The following PIK3C2G variants were observed in gnomAD, a reference collection of about 807,000 sequenced individuals.
PIK3C2G encodes the protein phosphatidylinositol-4-phosphate 3-kinase catalytic subunit type 2 gamma, also known as phosphatidylinositol 3-kinase C2 domain-containing subunit gamma.
PIK3C2G carries 168 observed loss-of-function variants against 181.1 expected under a neutral mutation model. That is an observed-to-expected ratio of 0.93 (90% CI 0.82 to 1.05). The LOEUF (loss-of-function observed/expected upper bound fraction) is 1.05, where lower values mean the gene tolerates loss of function less well. Among genes scored for constraint, PIK3C2G ranks in the 50% least tolerant of loss-of-function variants. PIK3C2G has a pLI of 0.00. For missense variants in PIK3C2G, 1,869 were observed against 1,732.8 expected, an observed-to-expected ratio of 1.08 and a Z score of -1.40; for synonymous variants, 573 against 592.2, an observed-to-expected ratio of 0.97 and a Z score of 0.47.
chr12:18,335,298 C>T (rs542202542), intron 8 of PIK3C2G, among the ~76,000 whole-genome samples: 1 of 152,236 alleles, frequency 6.6e-6, no homozygotes, highest in South Asian at 2.1e-4. Flanking sequence ...ACCAATCCTA[C>T]AGCTGAGGAT....
At chr12:18,506,052 G>A (rs902005597) in intron 24 of PIK3C2G, among the ~76,000 whole-genome samples, 1 of 152,126 alleles carries the variant, frequency 6.6e-6, no homozygotes, top group Non-Finnish European at 1.5e-5. Context: ...GCAGAGAAAT[G>A]GAATAGAAAG....
At chr12:18,654,423 T>C in the PIK3C2G span, among the ~76,000 whole-genome samples, 1 of 152,072 alleles carries the variant, frequency 6.6e-6, no homozygotes, top group African/African-American at 2.4e-5. Context: ...AGCATTATTG[T>C]AAGAACAATC....
chr12:18,443,785 A>G (rs1321383972), intron 18 of PIK3C2G, among the ~76,000 whole-genome samples: 1 of 152,186 alleles, frequency 6.6e-6, no homozygotes, highest in Admixed American at 6.5e-5. Context: ...AACTTTAATA[A>G]TTGTTGTATA....
chr12:18,512,936 T>C (rs1942305784), intron 24 of PIK3C2G, among the ~76,000 whole-genome samples: 1 of 151,962 alleles, frequency 6.6e-6, no homozygotes, highest in Non-Finnish European at 1.5e-5. Flanking sequence ...GAGTTTGTCA[T>C]ATATGGCCTT....
intron 15 of PIK3C2G, among the ~76,000 whole-genome samples, chr12:18,395,551 T>C (rs2138087639): frequency 6.8e-6 from 1 of 146,038 alleles, no homozygotes; most frequent in South Asian, 2.2e-4. Context: ...TCATACTAGA[T>C]GGAAACTCAA....
Position 18,424,000 on chromosome 12 carries a change from G to A in PIK3C2G, c.2465G>A (p.Arg822His), listed in dbSNP as rs765821860. The A allele has an allele frequency of 9.9e-6, 16 of 1,610,970 alleles. No homozygotes were observed. Among genetic ancestry groups the A allele is most frequent in the East Asian group, 2.2e-5 (1 of 44,814 alleles). ...ESPLVQLLLH[R>H]SLQSIQVAHR... The stretch of plus-strand genomic sequence containing the variant: ...CCTTTAGTGCAACTTCTACTCCACC[G>A]CTCCTTGCAGAGCATCCAGGTTGCC... The change falls in exon 18 of 33, where the codon CGC (arginine) becomes CAC (histidine). Residue 822 changes from arginine (R) to histidine (H), a missense_variant. Coordinates refer to ENST00000538779, the MANE Select transcript of PIK3C2G (RefSeq NM_001288772.2).
At chr12:18,307,002 C>T (rs1950447147) in intron 5 of PIK3C2G, among the ~76,000 whole-genome samples, 1 of 150,094 alleles carries the variant, frequency 6.7e-6, no homozygotes, top group South Asian at 2.1e-4. Flanking sequence ...GAAAGAGCAT[C>T]GCTTTTAAAT....
intron 19 of PIK3C2G, among the ~76,000 whole-genome samples, chr12:18,490,208 C>G (rs1011523295): frequency 3.4e-4 from 52 of 152,214 alleles, no homozygotes; most frequent in African/African-American, 1.2e-3. Flanking sequence ...CAAAGGAGAA[C>G]AACACACACA....
chr12:18,650,297 C>CCCAAA, downstream of PIK3C2G, among the ~76,000 whole-genome samples: 5 of 12,676 alleles, frequency 3.9e-4, no homozygotes, highest in South Asian at 0.045. Flanking sequence ...CCAAATTTCT[C>CCCAAA]TCTCTCTCTC....
At chr12:18,495,937 TG>T (rs1186110218) in intron 20 of PIK3C2G, 124 bp from the exon 21 acceptor site, 1 of 507,656 alleles carries the variant, frequency 2.0e-6, no homozygotes. Flanking sequence ...ATTATTCATA[TG>T]TGTTACATTT....
At chr12:18,506,743 CTT>C (rs1030900123) in intron 24 of PIK3C2G, among the ~76,000 whole-genome samples, 4 of 152,114 alleles carry the variant, frequency 2.6e-5, no homozygotes, top group African/African-American at 9.7e-5. Flanking sequence ...CACTAAAAGT[CTT>C]TAAAAATATA....
chr12:18,665,626 G>A, the PIK3C2G span, among the ~76,000 whole-genome samples: 1 of 152,022 alleles, frequency 6.6e-6, no homozygotes, highest in South Asian at 2.1e-4. Context: ...AACCCTGTCT[G>A]TACTGAAAAT....
At chr12:18,638,941 C>T (rs1459193610) in intron 31 of PIK3C2G, among the ~76,000 whole-genome samples, 1 of 142,624 alleles carries the variant, frequency 7.0e-6, no homozygotes, top group Non-Finnish European at 1.5e-5. Flanking sequence ...TACTACTTCA[C>T]TCTTCTCACC....
intron 22 of PIK3C2G, among the ~76,000 whole-genome samples, chr12:18,501,939 T>C (rs1380975548): frequency 6.6e-6 from 1 of 152,212 alleles, no homozygotes; most frequent in Admixed American, 6.5e-5. Flanking sequence ...AAAGTGACTT[T>C]CTTCAGGAAG....
chr12:18,660,960 A>G, the PIK3C2G span, among the ~76,000 whole-genome samples: 1 of 152,170 alleles, frequency 6.6e-6, no homozygotes, highest in African/African-American at 2.4e-5. Flanking sequence ...ATAAAAATAT[A>G]GAAAACCCAA....
intron 15 of PIK3C2G, among the ~76,000 whole-genome samples, chr12:18,392,649 A>G (rs1943608205): frequency 6.6e-6 from 1 of 151,918 alleles, no homozygotes; most frequent in African/African-American, 2.4e-5. Flanking sequence ...ACTCTCTATC[A>G]TATTACCTTT....
At chr12:18,292,227 A>AAAATATAT in intron 4 of PIK3C2G, among the ~76,000 whole-genome samples, 45 of 48,720 alleles carry the variant, frequency 9.2e-4, no homozygotes, top group African/African-American at 3.2e-3. Context: ...AAAAAAAAAA[A>AAAATATAT]ATATATATAT....
chr12:18,428,506 T>C (rs1266490562), intron 18 of PIK3C2G, among the ~76,000 whole-genome samples: 1 of 152,126 alleles, frequency 6.6e-6, no homozygotes, highest in African/African-American at 2.4e-5. Flanking sequence ...GACCAATTAT[T>C]CACCAAGCCC....
chr12:18,480,173 A>C (rs1375573359), intron 18 of PIK3C2G, among the ~76,000 whole-genome samples: 1 of 152,134 alleles, frequency 6.6e-6, no homozygotes, highest in African/African-American at 2.4e-5. Context: ...TGTCTTCCAA[A>C]GTGTGCCCAG....
Sources: gnomAD v4.1 joint callset for allele counts (sites outside exome capture counted in the v4.1 genomes callset) on GRCh38, gnomAD v4.1.1 for gene constraint, MANE v1.5 for transcripts, NCBI Gene and HGNC (gene_info 2026-07-23, HGNC 2026-07-21) for gene names.